CYP27C1: variants seen among roughly 807,000 people sequenced by gnomAD.
CYP27C1 encodes the protein cytochrome P450 family 27 subfamily C member 1.
Under a neutral mutation model 40.6 loss-of-function variants are expected in CYP27C1, and 29 were observed. The ratio of observed to expected loss-of-function variants is 0.71; its 90% confidence interval spans 0.53 to 0.97. The LOEUF (loss-of-function observed/expected upper bound fraction) is 0.97. Ranked by LOEUF, CYP27C1 falls within the 50% of genes least tolerant of loss-of-function variation. CYP27C1 has a pLI of 0.00. For synonymous variants in CYP27C1, 198 were observed against 186.8 expected (o/e 1.06, Z -0.49); for missense variants, 390 against 485.8 (o/e 0.80, Z 1.85).
chr2:127,197,636 C>T (rs1016096623), intron 5 of CYP27C1, among the ~76,000 whole-genome samples: 2 of 152,166 alleles, frequency 1.3e-5, no homozygotes, highest in Non-Finnish European at 2.9e-5. Flanking sequence ...CTCTTTCCAC[C>T]CGACCACCAG....
rs553222555 is a variant in CYP27C1, at chr2:127,195,946, G to C, written c.1048-445C>G. On this transcript the variant is annotated intron_variant, in intron 5 of 8. Transcript: ENST00000664447. The surrounding 1 kb of genome is among the most constrained non-coding windows in gnomAD (Gnocchi z 6.2). ...CAGGATGCTGGGCCCGGCCCACTCTGGCTGCCCTAATCTAGAGATTGGAGT... is the reference window on the plus strand; with the variant it reads ...CAGGATGCTGGGCCCGGCCCACTCTCGCTGCCCTAATCTAGAGATTGGAGT... Among the ~76,000 whole-genome samples, 43 of 152,324 alleles carry C rather than the reference G, an allele frequency of 2.8e-4. No homozygotes were observed. Among genetic ancestry groups the C allele is most frequent in the Non-Finnish European group, 1.5e-5 (1 of 68,038 alleles).
chr2:127,213,383 G>C (rs1295621682), intron 1 of CYP27C1, among the ~76,000 whole-genome samples: 1 of 151,308 alleles, frequency 6.6e-6, no homozygotes, highest in Non-Finnish European at 1.5e-5. Context: ...AAAGAACAAA[G>C]CTGGAAGCAT....
At chr2:127,203,722 G>C (rs1357698036) in intron 2 of CYP27C1, among the ~76,000 whole-genome samples, 151 bp from the exon 3 acceptor site, 1 of 152,062 alleles carries the variant, frequency 6.6e-6, no homozygotes, top group African/African-American at 2.4e-5. Context: ...TTTTTGCTGG[G>C]GAGAGAGAAG....
intron 2 of CYP27C1, chr2:127,205,647 C>T: frequency 5.1e-6 from 5 of 983,578 alleles, no homozygotes; most frequent in Non-Finnish European, 6.0e-6. Flanking sequence ...GCTTCCGAAG[C>T]GCTCTGCCCA....
intron 5 of CYP27C1, among the ~76,000 whole-genome samples, chr2:127,197,571 C>T (rs1219754592): frequency 6.6e-6 from 1 of 152,168 alleles, no homozygotes; most frequent in Admixed American, 6.5e-5. Flanking sequence ...GTGAGACAGG[C>T]AGGGTGTGCG....
intron 1 of CYP27C1, among the ~76,000 whole-genome samples, chr2:127,210,436 C>T (rs537388356): frequency 1.8e-4 from 28 of 152,128 alleles, no homozygotes; most frequent in Non-Finnish European, 3.5e-4. Context: ...AATGACACTA[C>T]GAAGAAACTG....
At position 127,218,057 on chromosome 2, in the gene CYP27C1, T is replaced by C. The variant is rs1683468040; in HGVS notation, c.282+1932A>G. On this transcript the variant is annotated intron_variant, in intron 1 of 8. Coordinates refer to ENST00000664447, the MANE Select transcript of CYP27C1 (RefSeq NM_001367502.1). The surrounding 1 kb of genome is among the most constrained non-coding windows in gnomAD (Gnocchi z 6.0). ...GGTGAGAAGGCAGCAAGTGAGTCAG[T>C]TGTGACTCTCTGCTCCGTGCCCCAG... is the stretch of plus-strand genomic sequence containing the variant. Among the ~76,000 whole-genome samples the C allele has an allele frequency of 1.3e-5, 2 of 152,082 alleles. No individual in the cohort carries two copies. The highest frequency in any genetic ancestry group is 2.9e-5 in the Non-Finnish European group (2 of 68,014).
chr2:127,194,785 T>C (rs1682864158), intron 6 of CYP27C1, among the ~76,000 whole-genome samples: 1 of 152,042 alleles, frequency 6.6e-6, no homozygotes, highest in African/African-American at 2.4e-5. Context: ...AAACCCCCAG[T>C]AAGCCAATTG....
At position 127,203,338 on chromosome 2, in the gene CYP27C1, C is replaced by T. The variant is rs1301321085; in HGVS notation, c.673+34G>A. Reference sequence around the variant, plus strand: ...TGCAGGTTTGGGGCAAGTATCCATTCTTCCCTCCTTCCCACCTGCTGATTC... The same window carrying T: ...TGCAGGTTTGGGGCAAGTATCCATTTTTCCCTCCTTCCCACCTGCTGATTC... On this transcript the variant is annotated intron_variant, in intron 3 of 8. Transcript: ENST00000664447. 5 of 1,600,256 alleles carry T rather than the reference C, an allele frequency of 3.1e-6. No homozygotes were observed. The Admixed American group carries it at 6.9e-5, about 22-fold the overall frequency.
At chr2:127,204,609 G>GA (rs1477721125) in intron 2 of CYP27C1, among the ~76,000 whole-genome samples, 5 of 102,628 alleles carry the variant, frequency 4.9e-5, no homozygotes, top group Non-Finnish European at 1.0e-4. Context: ...AAGAAAGAAA[G>GA]AAAGAAAGAA....
chr2:127,190,940 TGA>T (rs1682757479), intron 8 of CYP27C1, among the ~76,000 whole-genome samples: 3 of 113,826 alleles, frequency 2.6e-5, no homozygotes, highest in African/African-American at 1.1e-4. Flanking sequence ...GGTGAGACTC[TGA>T]AAAAAAAAAA....
intron 5 of CYP27C1, among the ~76,000 whole-genome samples, chr2:127,198,800 C>G (rs1682964563): frequency 6.6e-6 from 1 of 152,172 alleles, no homozygotes; most frequent in Admixed American, 6.5e-5. Flanking sequence ...AGGCTACCAT[C>G]TAGGTTTGTG....
chr2:127,204,511 A>G (rs1398255467), intron 2 of CYP27C1, among the ~76,000 whole-genome samples: 1 of 68,252 alleles, frequency 1.5e-5, no homozygotes, highest in Non-Finnish European at 3.0e-5. Flanking sequence ...GAAGGAAAGA[A>G]AGAAGGAAAG....
chr2:127,207,912 A>C (rs2104696180), intron 1 of CYP27C1, among the ~76,000 whole-genome samples: 1 of 152,352 alleles, frequency 6.6e-6, no homozygotes, highest in Admixed American at 6.5e-5. Context: ...CAAAGTGTAT[A>C]AATAGATTCA....
chr2:127,211,115 ACTC>A (rs1030452863), intron 1 of CYP27C1, among the ~76,000 whole-genome samples: 5 of 151,394 alleles, frequency 3.3e-5, no homozygotes, highest in Admixed American at 6.6e-5. Flanking sequence ...GACCACATAT[ACTC>A]CTCAGCAAGT....
chr2:127,200,134 C>G lies in CYP27C1; in HGVS notation c.884-595G>C, dbSNP rs1238084098. ...AGCTGGAATTACAGGCACGCGCCAC[C>G]ACGCCCAGCTAATTTTTGTATTTTT... On this transcript the variant is annotated intron_variant, in intron 4 of 8. Coordinates refer to ENST00000664447, the MANE Select transcript of CYP27C1 (RefSeq NM_001367502.1). The surrounding 1 kb of genome is among the most constrained non-coding windows in gnomAD (Gnocchi z 4.2). 6.6e-6 allele frequency among the ~76,000 whole-genome samples: 1 copy of G among 152,204 alleles called. No homozygotes were observed. Among genetic ancestry groups the G allele is most frequent in the Non-Finnish European group, 1.5e-5 (1 of 68,040 alleles).
chr2:127,201,323 T>A lies in CYP27C1; in HGVS notation c.682A>T (p.Thr228Ser). 1 of 1,613,960 alleles carries A rather than the reference T, an allele frequency of 6.2e-7. No individual in the cohort carries two copies. Residue 228 changes from threonine to serine, a missense_variant, in exon 4 of 9, where the codon ACC becomes TCC. By Grantham distance (58) the Thr-to-Ser change is moderately conservative. Coordinates refer to ENST00000664447, the MANE Select transcript of CYP27C1 (RefSeq NM_001367502.1). The surrounding 1 kb of genome is among the most constrained non-coding windows in gnomAD (Gnocchi z 6.0). ...CCCAAACGACTCTCATAAAGGATGG[T>A]GGCCACTCCTAGACAGGAAAGAGAA... ...FFKYSMEGVA[T>S]ILYESRLGCL...
In CYP27C1 at chr2:127,209,588, A is replaced by G. The variant is rs1468173218; in HGVS notation, c.283-3498T>C. Among the ~76,000 whole-genome samples, 2 of 152,226 alleles carry G rather than the reference A, an allele frequency of 1.3e-5. No individual in the cohort carries two copies. The highest frequency in any genetic ancestry group is 2.9e-5 in the Non-Finnish European group (2 of 68,044). ...GCGATGACCTAAAGGAGCATGTTCT[A>G]ACACAATGCAAAGAAGCTAAGAACC... is the stretch of plus-strand genomic sequence containing the variant. On this transcript the variant is annotated intron_variant, in intron 1 of 8. Transcript: ENST00000664447. The surrounding 1 kb of genome is among the most constrained non-coding windows in gnomAD (Gnocchi z 4.1).
At chr2:127,205,412 G>C (rs1683203482) in intron 2 of CYP27C1, among the ~76,000 whole-genome samples, 1 of 152,240 alleles carries the variant, frequency 6.6e-6, no homozygotes. Flanking sequence ...CGATCTCTTG[G>C]AAGGCACAGA....
Sources: gnomAD v4.1 joint callset for allele counts (sites outside exome capture counted in the v4.1 genomes callset) on GRCh38, gnomAD v4.1.1 for gene constraint, Gnocchi (gnomAD v3.1) non-coding constraint, MANE v1.5 for transcripts, NCBI Gene and HGNC (gene_info 2026-07-23, HGNC 2026-07-21) for gene names.